ABCC5: variants seen among roughly 807,000 people sequenced by gnomAD.
The protein encoded by ABCC5 is ATP binding cassette subfamily C member 5.
A neutral mutation model predicts 160.9 loss-of-function variants in ABCC5; 61 were observed. That is an observed-to-expected ratio of 0.38 (90% CI 0.31 to 0.47). The LOEUF (loss-of-function observed/expected upper bound fraction) is 0.47. Among genes scored for constraint, ABCC5 ranks in the 20% least tolerant of loss-of-function variants. The pLI, the probability that ABCC5 is intolerant of heterozygous loss-of-function variation, is 0.99. For missense variants in ABCC5, 1,308 were observed against 1,813.3 expected (o/e 0.72, Z 5.06); for synonymous variants, 666 against 700.6 (o/e 0.95, Z 0.78).
intron 26 of ABCC5, among the ~76,000 whole-genome samples, chr3:183,934,031 C>A (rs918054553): frequency 2.0e-5 from 3 of 152,070 alleles, no homozygotes; most frequent in Non-Finnish European, 2.9e-5. Flanking sequence ...ACTGGCTGGG[C>A]GCGGTGGCTC....
In ABCC5 at chr3:183,988,041, T is replaced by C; in HGVS notation, c.444-124A>G. ...ACTCACACAAGTCTCTCCTTTAAAA[T>C]TATGTACATAGTCTTCACCTTCTGG... On this transcript the variant is annotated intron_variant, in intron 4 of 29. Coordinates refer to ENST00000334444, the MANE Select transcript of ABCC5 (RefSeq NM_005688.4). This position sits in a 1 kb window ranked among gnomAD's most constrained non-coding sequence, Gnocchi z 4.4. 2 of 1,068,184 alleles carry C rather than the reference T, an allele frequency of 1.9e-6. No individual in the cohort carries two copies. The highest frequency in any genetic ancestry group is 3.0e-4 in the Middle Eastern group (1 of 3,284). The allele number at this position is 1,068,184 out of a possible 1,614,324, so 66.2% of individuals were successfully genotyped here.
intron 14 of ABCC5, among the ~76,000 whole-genome samples, chr3:183,964,879 G>A (rs1428521315): frequency 2.0e-5 from 3 of 152,222 alleles, no homozygotes; most frequent in Non-Finnish European, 4.4e-5. Context: ...CAAGGAAGAT[G>A]CTCAACATGC....
intron 2 of ABCC5, among the ~76,000 whole-genome samples, chr3:183,998,590 GAGGC>G (rs560032084): frequency 7.4e-4 from 112 of 152,232 alleles, no homozygotes; most frequent in Admixed American, 2.6e-3. Context: ...TAAGGAAACT[GAGGC>G]ACACCGATGT....
At chr3:183,927,296 A>T in intron 28 of ABCC5, 34 bp downstream of exon 28, 1 of 1,604,344 alleles carries the variant, frequency 6.2e-7, no homozygotes, top group Non-Finnish European at 8.5e-7. Flanking sequence ...AAACATTCCC[A>T]TTCTCTGCTG....
intron 27 of ABCC5, 94 bp from the exon 28 acceptor site, chr3:183,927,537 G>A (rs2108759541): frequency 6.7e-7 from 1 of 1,502,618 alleles, no homozygotes; most frequent in South Asian, 1.2e-5. Flanking sequence ...TGAAAGCGAT[G>A]AAAGAACTAT....
chr3:183,933,165 CAAAAA>C (rs55863712), intron 26 of ABCC5, among the ~76,000 whole-genome samples: 13 of 73,732 alleles, frequency 1.8e-4, no homozygotes, highest in Non-Finnish European at 3.0e-4. Context: ...GAGACTGTCT[CAAAAA>C]AAAAAAAAAA....
At chr3:183,977,397 A>C (rs1468651837) in intron 10 of ABCC5, 120 bp downstream of exon 10, 1 of 622,256 alleles carries the variant, frequency 1.6e-6, no homozygotes, top group Non-Finnish European at 2.7e-6. Context: ...CCAACTTGCC[A>C]AAAGGCCAAA....
intron 2 of ABCC5, among the ~76,000 whole-genome samples, chr3:184,004,130 T>C (rs972697196): frequency 2.6e-5 from 4 of 151,888 alleles, no homozygotes; most frequent in African/African-American, 9.7e-5. Flanking sequence ...CAGCCTGGCC[T>C]GAAAACCACT....
intron 16 of ABCC5, among the ~76,000 whole-genome samples, 158 bp from the exon 17 acceptor site, chr3:183,959,993 C>G (rs145843347): frequency 3.3e-5 from 5 of 152,306 alleles, no homozygotes; most frequent in African/African-American, 1.2e-4. Flanking sequence ...CTTGTACTTC[C>G]TCATCTCCTT....
intron 10 of ABCC5, 85 bp from the exon 11 acceptor site, chr3:183,972,004 A>G: frequency 6.3e-7 from 1 of 1,599,416 alleles, no homozygotes. Flanking sequence ...CTCACGTAGC[A>G]AAACACATCA....
In ABCC5 at chr3:183,988,688, A is replaced by G; in HGVS notation, c.327T>C (p.Cys109=). The G allele has an allele frequency of 6.2e-7, 1 of 1,614,248 alleles. No individual in the cohort carries two copies. Among genetic ancestry groups the G allele is most frequent in the African/African-American group, 1.3e-5 (1 of 75,078 alleles). ...GAGAAGAAAGCCACGAAAAAGTCATACAGGAAAAAAGCCCAGCATTGTCCA... is the reference window on the plus strand; with the variant it reads ...GAGAAGAAAGCCACGAAAAAGTCATGCAGGAAAAAAGCCCAGCATTGTCCA... The part of the protein sequence containing the change: ...HPVDNAGLFS[C]MTFSWLSSLA... Residue 109 remains cysteine, a synonymous_variant, in exon 4 of 30, where the codon TGT becomes TGC. Transcript: ENST00000334444. The surrounding 1 kb of genome is among the most constrained non-coding windows in gnomAD (Gnocchi z 4.4).
In ABCC5 at chr3:184,017,029, T is replaced by A. The variant is rs1257836304; in HGVS notation, c.-56+801A>T. The stretch of plus-strand genomic sequence containing the variant: ...ACCACACCCACTGTAATCCACTTGT[T>A]GCGTCTCCAAGCAGCCTCACCTTTC... On this transcript the variant is annotated intron_variant, in intron 1 of 29. Transcript: ENST00000334444. This position sits in a 1 kb window ranked among gnomAD's most constrained non-coding sequence, Gnocchi z 4.5. Among the ~76,000 whole-genome samples the A allele has an allele frequency of 2.0e-5, 3 of 152,162 alleles. No individual in the cohort carries two copies. The East Asian group carries it at 5.8e-4, about 29-fold the overall frequency.
intron 9 of ABCC5, 123 bp downstream of exon 9, chr3:183,978,380 G>T: frequency 8.9e-7 from 1 of 1,128,274 alleles, no homozygotes; most frequent in Non-Finnish European, 1.3e-6. Context: ...CCAGGCTGGA[G>T]TGCAATGGCA....
At position 183,951,330 on chromosome 3, in the gene ABCC5, C is replaced by A. The variant is rs1413883680; in HGVS notation, c.2944+111G>T. ...TTCCTGGTGAAAACACCAGCAGTCA[C>A]TGTGCTCTCAGGATCTACAGACAGA... On this transcript the variant is annotated intron_variant, in intron 20 of 29. Coordinates refer to ENST00000334444, the MANE Select transcript of ABCC5 (RefSeq NM_005688.4). This position sits in a 1 kb window ranked among gnomAD's most constrained non-coding sequence, Gnocchi z 4.7. 7.1e-7 allele frequency: 1 copy of A among 1,406,622 alleles called. No homozygotes were observed. Among genetic ancestry groups the A allele is most frequent in the Non-Finnish European group, 9.6e-7 (1 of 1,043,066 alleles). The allele number at this position is 1,406,622 out of a possible 1,614,324, so 87.1% of individuals were successfully genotyped here. A position where few individuals can be genotyped will look rare whatever the true frequency, so the allele number is the denominator to read the frequency against.
Position 183,979,658 on chromosome 3 carries a change from G to A in ABCC5, c.1148-1007C>T, listed in dbSNP as rs555479144. ...TGCAGTGGCACAATCACGGCTCACC[G>A]CAGCCTCAACCTCCATGGCTCAAGT... On this transcript the variant is annotated intron_variant, in intron 8 of 29. Coordinates refer to ENST00000334444, the MANE Select transcript of ABCC5 (RefSeq NM_005688.4). 4.6e-5 allele frequency among the ~76,000 whole-genome samples: 7 copies of A among 152,114 alleles called. No homozygotes were observed. The East Asian group carries it at 5.8e-4, about 13-fold the overall frequency.
At chr3:183,922,058 T>A (rs1345405286) in intron 29 of ABCC5, among the ~76,000 whole-genome samples, 21 of 145,804 alleles carry the variant, frequency 1.4e-4, no homozygotes, top group African/African-American at 5.2e-4. Flanking sequence ...AATAAATAAA[T>A]AAATAAATAA....
chr3:183,991,954 C>G (rs1331487945), intron 2 of ABCC5, among the ~76,000 whole-genome samples: 3 of 152,174 alleles, frequency 2.0e-5, no homozygotes, highest in Admixed American at 6.5e-5. Context: ...AGAGTAGGTA[C>G]AGAATGTTAC....
chr3:183,927,634 C>T, intron 27 of ABCC5, 191 bp from the exon 28 acceptor site: 2 of 985,446 alleles, frequency 2.0e-6, no homozygotes, highest in Non-Finnish European at 2.4e-6. Context: ...GTCCCTGATT[C>T]CAATAGACTA....
intron 27 of ABCC5, 143 bp from the exon 28 acceptor site, chr3:183,927,586 TG>T: frequency 7.0e-7 from 1 of 1,430,776 alleles, no homozygotes; most frequent in Non-Finnish European, 9.2e-7. Flanking sequence ...AAGGTGCAGG[TG>T]TACTGATCAT....
Sources: allele counts gnomAD v4.1 joint callset (sites outside exome capture counted in the v4.1 genomes callset), GRCh38; gene constraint gnomAD v4.1.1; non-coding constraint Gnocchi (gnomAD v3.1); transcripts MANE v1.5; gene names NCBI Gene and HGNC (gene_info 2026-07-23, HGNC 2026-07-21).